Variants in WWOX observed in about 807,000 individuals in gnomAD.
WWOX encodes the protein WW domain-containing oxidoreductase.
WWOX carries 69 observed loss-of-function variants against 46.2 expected under a neutral mutation model. The ratio of observed to expected loss-of-function variants is 1.49; its 90% CI spans 1.23 to 1.82. WWOX has a LOEUF of 1.82. Ranked by LOEUF, WWOX falls within the 40% of genes most tolerant of loss-of-function variation. The probability of loss-of-function intolerance (pLI) is 0.00; values close to 1 mark genes in which losing one functional copy is unlikely to be tolerated. For missense variants in WWOX, 919 were observed against 542.6 expected, an observed-to-expected ratio of 1.69 and a Z score of -6.89; for synonymous variants, 359 against 202.6, an observed-to-expected ratio of 1.77 and a Z score of -6.56.
chr16:78,505,251 G>A (rs2085165684), intron 8 of WWOX, among the ~76,000 whole-genome samples: 1 of 152,154 alleles, frequency 6.6e-6, no homozygotes, highest in Admixed American at 6.5e-5. Flanking sequence ...TGAGAAAACA[G>A]AATATTGTTC....
intron 8 of WWOX, among the ~76,000 whole-genome samples, chr16:78,861,301 C>T (rs761435499): frequency 1.2e-4 from 18 of 152,244 alleles, no homozygotes; most frequent in Non-Finnish European, 2.1e-4. Context: ...TCCATGCATC[C>T]ATCCATCCAC....
intron 5 of WWOX, among the ~76,000 whole-genome samples, chr16:78,337,728 C>G (rs961255718): frequency 1.6e-4 from 21 of 127,992 alleles, no homozygotes; most frequent in African/African-American, 5.6e-4. Flanking sequence ...GCTAGAGGAT[C>G]TCAGTGCTCA....
intron 5 of WWOX, among the ~76,000 whole-genome samples, chr16:78,242,331 G>C (rs1023310551): frequency 2.0e-5 from 3 of 152,206 alleles, no homozygotes; most frequent in Non-Finnish European, 4.4e-5. Flanking sequence ...TTTGTAAAAT[G>C]ATATGCTGTC....
intron 5 of WWOX, among the ~76,000 whole-genome samples, chr16:78,365,266 C>T (rs2081508447): frequency 6.6e-6 from 1 of 152,186 alleles, no homozygotes; most frequent in African/African-American, 2.4e-5. Context: ...GTCTCCAACG[C>T]ATCCATGGAA....
chr16:78,326,566 G>GCCCCC (rs1388904234), intron 5 of WWOX, among the ~76,000 whole-genome samples: 10 of 22,708 alleles, frequency 4.4e-4, no homozygotes, highest in African/African-American at 1.1e-3. Context: ...ATTTCTGCCT[G>GCCCCC]CCCTCCCCCC....
At chr16:78,475,472 T>TCAGAAGAGA (rs2084329655) in intron 8 of WWOX, among the ~76,000 whole-genome samples, 1 of 152,246 alleles carries the variant, frequency 6.6e-6, no homozygotes, top group Non-Finnish European at 1.5e-5. Context: ...GTTGGTTTGT[T>TCAGAAGAGA]ATAAGGTGGT....
At chr16:78,109,567 CAA>C (rs991544566) in intron 2 of WWOX, among the ~76,000 whole-genome samples, 25 of 151,930 alleles carry the variant, frequency 1.6e-4, no homozygotes, top group African/African-American at 3.4e-4. Flanking sequence ...TTCTTCAAAA[CAA>C]GAGGCAAAAA....
intron 8 of WWOX, among the ~76,000 whole-genome samples, chr16:78,953,412 C>T (rs1055847893): frequency 1.3e-5 from 2 of 152,092 alleles, no homozygotes; most frequent in Admixed American, 1.3e-4. Flanking sequence ...AAATTCAAAC[C>T]TAGTCAAATT....
At chr16:78,388,190 C>G (rs1006399615) in intron 6 of WWOX, among the ~76,000 whole-genome samples, 59 of 152,268 alleles carry the variant, frequency 3.9e-4, no homozygotes, top group African/African-American at 1.3e-3. Context: ...GCCACCATGG[C>G]CTGCTAATTT....
At chr16:78,973,076 C>G (rs1178369199) in intron 8 of WWOX, among the ~76,000 whole-genome samples, 1 of 152,226 alleles carries the variant, frequency 6.6e-6, no homozygotes, top group East Asian at 1.9e-4. Context: ...CAGCTGTCAG[C>G]ATTGTTAATG....
intron 4 of WWOX, among the ~76,000 whole-genome samples, chr16:78,124,521 G>A (rs532316506): frequency 6.6e-6 from 1 of 152,120 alleles, no homozygotes; most frequent in Non-Finnish European, 1.5e-5. Flanking sequence ...TTCTTGGAAA[G>A]ATGTCTTAAA....
intron 8 of WWOX, among the ~76,000 whole-genome samples, chr16:78,909,860 G>A (rs889452651): frequency 3.9e-5 from 6 of 152,188 alleles, no homozygotes; most frequent in Admixed American, 2.6e-4. Context: ...CTTGGCAAAT[G>A]GCACATTGCA....
intron 8 of WWOX, among the ~76,000 whole-genome samples, chr16:78,540,020 T>TCTCTCACACACA (rs369075883): frequency 3.8e-5 from 5 of 132,924 alleles, no homozygotes; most frequent in African/African-American, 1.5e-4. Context: ...TCTCTCTCTC[T>TCTCTCACACACA]CACACACACA....
chr16:79,129,567 A>G (rs1285984925), intron 8 of WWOX, among the ~76,000 whole-genome samples: 1 of 151,960 alleles, frequency 6.6e-6, no homozygotes, highest in African/African-American at 2.4e-5. Flanking sequence ...TTAAATAATT[A>G]GGATTACCTC....
chr16:79,190,020 C>T (rs428420), intron 8 of WWOX, among the ~76,000 whole-genome samples: 1 of 151,418 alleles, frequency 6.6e-6, no homozygotes, highest in South Asian at 2.1e-4. Flanking sequence ...TTCATAACGC[C>T]TTGTTTTTTA....
At chr16:78,499,569 G>A (rs1404063508) in intron 8 of WWOX, among the ~76,000 whole-genome samples, 1 of 152,344 alleles carries the variant, frequency 6.6e-6, no homozygotes, top group East Asian at 1.9e-4. Flanking sequence ...CGGTGGACGG[G>A]CTTCCTGCCT....
intron 5 of WWOX, among the ~76,000 whole-genome samples, chr16:78,357,688 G>C (rs944419658): frequency 1.3e-5 from 2 of 152,182 alleles, no homozygotes; most frequent in African/African-American, 4.8e-5. Context: ...ATCAATACTA[G>C]CTGTGATTAT....
chr16:78,157,264 A>G (rs958459316), intron 4 of WWOX, among the ~76,000 whole-genome samples: 1 of 152,114 alleles, frequency 6.6e-6, no homozygotes, highest in Non-Finnish European at 1.5e-5. Flanking sequence ...TTGGCATCTC[A>G]TTAGCCTGAT....
intron 8 of WWOX, among the ~76,000 whole-genome samples, chr16:78,925,710 C>G (rs1168458375): frequency 2.6e-5 from 4 of 152,158 alleles, no homozygotes; most frequent in Non-Finnish European, 5.9e-5. Flanking sequence ...GAAGTCTCCA[C>G]CTTCCAGAGC....
Sources: allele counts gnomAD v4.1 joint callset (sites outside exome capture counted in the v4.1 genomes callset), GRCh38; gene constraint gnomAD v4.1.1; transcripts MANE v1.5; gene names NCBI Gene and HGNC (gene_info 2026-07-23, HGNC 2026-07-21).